Variants in SBNO2 observed in about 807,000 individuals in gnomAD.
The protein encoded by SBNO2 is strawberry notch homolog 2.
In SBNO2, 89 loss-of-function variants were observed where a neutral mutation model predicts 146.3. That is an observed-to-expected ratio of 0.61 (90% CI 0.51 to 0.73). The LOEUF is 0.73. Ranked by LOEUF, SBNO2 falls within the 30% of genes least tolerant of loss-of-function variation. The pLI is 0.00. For missense variants in SBNO2, 2,092 were observed against 2,003.7 expected (o/e 1.04, Z -0.84); for synonymous variants, 1,147 against 892.6 (o/e 1.29, Z -5.08).
rs966871074 is a variant in SBNO2, at chr19:1,136,305, G to C, written c.280-8540C>G. Among the ~76,000 whole-genome samples, 1 of 152,242 alleles carries C rather than the reference G, an allele frequency of 6.6e-6. No individual in the cohort carries two copies. The highest frequency in any genetic ancestry group is 2.4e-5 in the African/African-American group (1 of 41,458). ...TCCTCACAGCAGCCCTGGGAGGCTG[G>C]CACGGCTCCCCAGGAAACTGGGCTC... is the stretch of plus-strand genomic sequence containing the variant. On this transcript the variant is annotated intron_variant, in intron 4 of 31. Transcript: ENST00000361757. The surrounding 1 kb of genome is among the most constrained non-coding windows in gnomAD (Gnocchi z 4.2).
At chr19:1,141,715 G>A (rs34118004) in intron 4 of SBNO2, among the ~76,000 whole-genome samples, 31,339 of 151,930 alleles carry the variant, frequency 0.21, 3,670 homozygotes, top group Admixed American at 0.29. Context: ...AGACTCAAGC[G>A]ATCCTCATGC....
chr19:1,121,308 G>A (rs1434752106), intron 11 of SBNO2, among the ~76,000 whole-genome samples: 2 of 152,226 alleles, frequency 1.3e-5, no homozygotes, highest in African/African-American at 2.4e-5. Flanking sequence ...GCTCAGCGAG[G>A]TATGATCTCA....
rs191182578 is a variant in SBNO2 at position 1,119,477 on chromosome 19, C to A, written c.1373+39G>T. ...GATGGGCCTGAGGCCTCCTCCCCAC[C>A]CCCCGCCGCCCCTCCACGTGGGTGA... On this transcript the variant is annotated intron_variant, in intron 13 of 31. Coordinates refer to ENST00000361757, the MANE Select transcript of SBNO2 (RefSeq NM_014963.3). 303 of 1,400,620 alleles carry A rather than the reference C, an allele frequency of 2.2e-4. 1 individual carries two copies. The East Asian group carries it at 6.3e-3, about 29-fold the overall frequency. The allele number at this position is 1,400,620 out of a possible 1,614,324, so 86.8% of individuals were successfully genotyped here.
Position 1,158,918 on chromosome 19 carries a change from T to TGACCCCACCTGCAGCCGC in SBNO2, c.-126-4534_-126-4517dup, listed in dbSNP as rs1272255851. Reference sequence around the variant, plus strand: ...ACAGCCGCGACCCCACCTGCAGCCGTGACCCCACCTGCAGCCGCGACCCCA... The same window carrying TGACCCCACCTGCAGCCGC: ...ACAGCCGCGACCCCACCTGCAGCCGTGACCCCACCTGCAGCCGCGACCCCACCTGCAGCCGCGACCCCA... On this transcript the variant is annotated intron_variant, in intron 1 of 31. Coordinates refer to ENST00000361757, the MANE Select transcript of SBNO2 (RefSeq NM_014963.3). This position sits in a 1 kb window ranked among gnomAD's most constrained non-coding sequence, Gnocchi z 9.9. 1.5e-3 allele frequency among the ~76,000 whole-genome samples: 227 copies of TGACCCCACCTGCAGCCGC among 147,064 alleles called. 1 individual carries two copies. Among genetic ancestry groups the TGACCCCACCTGCAGCCGC allele is most frequent in the African/African-American group, 5.3e-3 (214 of 40,544 alleles).
chr19:1,128,376 G>A (rs2079991792), intron 4 of SBNO2: 1 of 332,900 alleles, frequency 3.0e-6, no homozygotes, highest in South Asian at 2.2e-5. Context: ...CCCAGTGAAG[G>A]AGATGTATGT....
intron 19 of SBNO2, among the ~76,000 whole-genome samples, chr19:1,113,255 G>A (rs958388173): frequency 3.3e-5 from 5 of 152,134 alleles, no homozygotes; most frequent in Admixed American, 1.3e-4. Flanking sequence ...ACCCCAAGGG[G>A]TGCGTTCAGG....
At chr19:1,172,946 C>T (rs2080495031) in intron 1 of SBNO2, among the ~76,000 whole-genome samples, 1 of 151,754 alleles carries the variant, frequency 6.6e-6, no homozygotes, top group Admixed American at 6.6e-5. Flanking sequence ...ACAGGCATTC[C>T]GGGAAGAAGC....
At chr19:1,120,106 C>A in intron 11 of SBNO2, 83 bp from the exon 12 acceptor site, 1 of 1,074,344 alleles carries the variant, frequency 9.3e-7, no homozygotes, top group Non-Finnish European at 1.4e-6. Flanking sequence ...AAGACCCCAC[C>A]TTCCTGGTGG....
chr19:1,138,566 G>A (rs754927269), intron 4 of SBNO2, among the ~76,000 whole-genome samples: 3 of 152,164 alleles, frequency 2.0e-5, no homozygotes, highest in Admixed American at 6.5e-5. Context: ...GTTTGCACCC[G>A]TGCTCACGGC....
chr19:1,119,527 G>A lies in SBNO2; in HGVS notation c.1362C>T (p.Ala454=), dbSNP rs375259176. Residue 454 remains alanine (A), a synonymous_variant, in exon 13 of 32, where the codon GCC becomes GCT. Coordinates refer to ENST00000361757, the MANE Select transcript of SBNO2 (RefSeq NM_014963.3). ...AGAAGGGCACTCACCTCTTCTCGAT[G>A]GCGTGCAGGAACTCCTCAAAGTTCC... ...PFRNFEEFLH[A]IEKRGVGAME... 94 of 1,601,924 alleles carry A rather than the reference G, an allele frequency of 5.9e-5. No individual in the cohort carries two copies. In the African/African-American group the frequency reaches 1.1e-3, roughly 19 times the overall value.
In SBNO2 at chr19:1,116,856, T is replaced by C; in HGVS notation, c.1775A>G (p.His592Arg). ...TREVLGENDG[H>R]LNCFVSAAEG... Reference sequence around the variant, plus strand: ...AGCGGCCGAGACGAAGCAGTTGAGGTGCCCATCGTTCTCCCCCAGCACCTC... The same window carrying C: ...AGCGGCCGAGACGAAGCAGTTGAGGCGCCCATCGTTCTCCCCCAGCACCTC... The change falls in exon 16 of 32, where the codon CAC becomes CGC. Residue 592 changes from histidine to arginine, a missense_variant. Coordinates refer to ENST00000361757, the MANE Select transcript of SBNO2 (RefSeq NM_014963.3). 6.3e-7 allele frequency: 1 copy of C among 1,590,640 alleles called. No homozygotes were observed. Among genetic ancestry groups the C allele is most frequent in the Non-Finnish European group, 8.5e-7 (1 of 1,170,648 alleles).
intron 24 of SBNO2, 99 bp from the exon 25 acceptor site, chr19:1,111,192 T>G: frequency 7.3e-7 from 1 of 1,361,612 alleles, no homozygotes; most frequent in South Asian, 1.4e-5. Flanking sequence ...CCTGGGGGGC[T>G]GGGGAGCAGC....
In SBNO2 at chr19:1,123,241, C is replaced by T. The variant is rs994056283; in HGVS notation, c.629-196G>A. The stretch of plus-strand genomic sequence containing the variant: ...GAGGAGTGGTCAGGGCTGGCCGGGT[C>T]GGGGGTGTGGCCGCGGCCTGCTGGG... On this transcript the variant is annotated intron_variant, in intron 7 of 31. Transcript: ENST00000361757. Among the ~76,000 whole-genome samples the T allele has an allele frequency of 2.0e-5, 3 of 151,398 alleles. No individual in the cohort carries two copies. The South Asian group carries it at 6.3e-4, about 32-fold the overall frequency.
intron 11 of SBNO2, among the ~76,000 whole-genome samples, chr19:1,121,781 G>C (rs3787014): frequency 0.53 from 81,189 of 152,028 alleles, 22,461 homozygotes; most frequent in African/African-American, 0.68. Context: ...GCAAACATCA[G>C]GACCACATCT....
chr19:1,141,432 C>A (rs1477149781), intron 4 of SBNO2, among the ~76,000 whole-genome samples: 1 of 152,118 alleles, frequency 6.6e-6, no homozygotes. Flanking sequence ...CCAGGATGGT[C>A]TCAAACTCCT....
chr19:1,147,282 G>T, intron 4 of SBNO2, 27 bp downstream of exon 4: 1 of 1,488,690 alleles, frequency 6.7e-7, no homozygotes, highest in Non-Finnish European at 9.2e-7. Flanking sequence ...TGCCCCCCAC[G>T]GCGCGGTGAG....
intron 4 of SBNO2, among the ~76,000 whole-genome samples, chr19:1,132,737 C>G (rs186598082): frequency 1.6e-4 from 25 of 152,262 alleles, no homozygotes; most frequent in Admixed American, 1.4e-3. Context: ...AGCAAAGTCC[C>G]CTCCCTGCTC....
chr19:1,113,739 T>C (rs1197456787), intron 18 of SBNO2, 35 bp from the exon 19 acceptor site: 2 of 1,447,752 alleles, frequency 1.4e-6, no homozygotes, highest in Non-Finnish European at 1.8e-6. Context: ...GCAGGACATG[T>C]TGGCTGCCTT....
intron 1 of SBNO2, among the ~76,000 whole-genome samples, chr19:1,160,245 C>G (rs2080331038): frequency 6.6e-6 from 1 of 152,138 alleles, no homozygotes; most frequent in Non-Finnish European, 1.5e-5. Flanking sequence ...TGCAGCCCGG[C>G]TGGGGCCCAG....
Sources: gnomAD v4.1 joint callset for allele counts (sites outside exome capture counted in the v4.1 genomes callset) on GRCh38, gnomAD v4.1.1 for gene constraint, Gnocchi (gnomAD v3.1) non-coding constraint, MANE v1.5 for transcripts, NCBI Gene and HGNC (gene_info 2026-07-23, HGNC 2026-07-21) for gene names.